The following NALCN variants were observed in gnomAD, a reference collection of about 807,000 sequenced individuals.
NALCN encodes the protein sodium leak channel, non-selective, also known as sodium leak channel NALCN.
Under a neutral mutation model 225.3 loss-of-function variants are expected in NALCN, and 111 were observed. The observed-to-expected ratio is 0.49, with a 90% CI of 0.42 to 0.58. The LOEUF (loss-of-function observed/expected upper bound fraction) is 0.58. Among genes scored for constraint, NALCN ranks in the 20% least tolerant of loss-of-function variants. The pLI is 0.00. For synonymous variants in NALCN, 764 were observed against 769.0 expected (o/e 0.99, Z 0.11); for missense variants, 1,378 against 2,202.4 (o/e 0.63, Z 7.49).
chr13:101,086,298 CTTT>C (rs1475723431), intron 30 of NALCN, among the ~76,000 whole-genome samples: 4 of 151,970 alleles, frequency 2.6e-5, no homozygotes, highest in East Asian at 3.9e-4. Flanking sequence ...TGTGATTCTT[CTTT>C]AATATATACA....
At chr13:101,372,212 C>CA (rs1220303145) in intron 6 of NALCN, among the ~76,000 whole-genome samples, 3 of 151,896 alleles carry the variant, frequency 2.0e-5, no homozygotes, top group Admixed American at 6.6e-5. Flanking sequence ...CAAAAACTGA[C>CA]AAAAATAAGA....
intron 13 of NALCN, among the ~76,000 whole-genome samples, chr13:101,197,902 G>T (rs1036412137): frequency 6.6e-5 from 10 of 152,264 alleles, no homozygotes; most frequent in African/African-American, 2.4e-4. Context: ...GATGTTCCCA[G>T]GAATCAGTCT....
intron 6 of NALCN, among the ~76,000 whole-genome samples, chr13:101,358,579 G>A (rs1198876752): frequency 7.9e-5 from 12 of 152,122 alleles, no homozygotes; most frequent in Non-Finnish European, 8.8e-5. Context: ...AAATAGGAAC[G>A]CTTTTACACT....
chr13:101,160,514 C>G (rs2038128045), intron 15 of NALCN, among the ~76,000 whole-genome samples: 1 of 152,120 alleles, frequency 6.6e-6, no homozygotes. Flanking sequence ...TGGGGAGGAG[C>G]TGGATTATCT....
chr13:101,246,272 T>G (rs2041894058), intron 11 of NALCN, among the ~76,000 whole-genome samples: 1 of 152,158 alleles, frequency 6.6e-6, no homozygotes, highest in Non-Finnish European at 1.5e-5. Flanking sequence ...AGTGGAAAGA[T>G]ATTTGAAATG....
At chr13:101,106,344 A>T (rs1169838357) in intron 22 of NALCN, among the ~76,000 whole-genome samples, 1 of 152,186 alleles carries the variant, frequency 6.6e-6, no homozygotes, top group Non-Finnish European at 1.5e-5. Context: ...TGGAGGGGGA[A>T]CAATTCAGTC....
chr13:101,178,909 TA>T (rs1475279317), intron 14 of NALCN, among the ~76,000 whole-genome samples: 3 of 152,214 alleles, frequency 2.0e-5, no homozygotes, highest in Admixed American at 6.5e-5. Context: ...GCTTTTTCAA[TA>T]ATAAAACTGG....
At chr13:101,133,154 G>C (rs2036597725) in intron 17 of NALCN, among the ~76,000 whole-genome samples, 1 of 152,056 alleles carries the variant, frequency 6.6e-6, no homozygotes, top group African/African-American at 2.4e-5. Context: ...ATTCCTTTAG[G>C]ATGCGGCAAT....
chr13:101,406,074 G>C (rs1207876770), intron 1 of NALCN, among the ~76,000 whole-genome samples: 3 of 151,670 alleles, frequency 2.0e-5, no homozygotes, highest in Non-Finnish European at 4.4e-5. Context: ...CTAGCATTTA[G>C]GGAAGCTGAG....
chr13:101,302,487 A>G (rs981327171), intron 7 of NALCN, among the ~76,000 whole-genome samples: 2 of 152,184 alleles, frequency 1.3e-5, no homozygotes, highest in Non-Finnish European at 2.9e-5. Context: ...TACCTGAGTG[A>G]TAGGGACCAA....
At chr13:101,123,916 T>C (rs527329975) in intron 18 of NALCN, among the ~76,000 whole-genome samples, 5 of 152,332 alleles carry the variant, frequency 3.3e-5, no homozygotes, top group Non-Finnish European at 2.9e-5. Context: ...CTGGCATGAA[T>C]CTGTCCACTC....
At position 101,218,516 on chromosome 13, in the gene NALCN, C is replaced by G. The variant is rs189597495; in HGVS notation, c.1626+10877G>C. Among the ~76,000 whole-genome samples the G allele has an allele frequency of 3.3e-5, 5 of 152,172 alleles. No homozygotes were observed. The East Asian group carries it at 7.7e-4, about 24-fold the overall frequency. ...CCCATGGCCATATCCCCGTGTCATA[C>G]AGTTTAGATCTGTGTCCCCACCCAA... On this transcript the variant is annotated intron_variant, in intron 13 of 43. Coordinates refer to ENST00000251127, the MANE Select transcript of NALCN (RefSeq NM_052867.4).
At chr13:101,300,266 A>G (rs1191784603) in intron 7 of NALCN, among the ~76,000 whole-genome samples, 2 of 151,994 alleles carry the variant, frequency 1.3e-5, no homozygotes, top group African/African-American at 2.4e-5. Context: ...TCTGTAAACC[A>G]TGTTTTCTCC....
intron 17 of NALCN, among the ~76,000 whole-genome samples, chr13:101,141,189 A>G (rs1475466003): frequency 3.3e-5 from 5 of 152,160 alleles, no homozygotes; most frequent in African/African-American, 1.2e-4. Context: ...AAATAAATGG[A>G]AATTTCCCTG....
At chr13:101,159,044 T>C (rs1253284955) in intron 15 of NALCN, among the ~76,000 whole-genome samples, 1 of 152,208 alleles carries the variant, frequency 6.6e-6, no homozygotes, top group Non-Finnish European at 1.5e-5. Context: ...TAAAAATATG[T>C]TGAAGGCATA....
intron 27 of NALCN, 130 bp from the exon 28 acceptor site, chr13:101,095,810 C>G: frequency 1.5e-6 from 1 of 688,844 alleles, no homozygotes; most frequent in Non-Finnish European, 2.4e-6. Context: ...GTGATGTGGA[C>G]AGCTACCCAG....
At chr13:101,375,886 C>T (rs764255417) in intron 6 of NALCN, among the ~76,000 whole-genome samples, 36 of 152,088 alleles carry the variant, frequency 2.4e-4, no homozygotes, top group Non-Finnish European at 4.9e-4. Flanking sequence ...CACTTCTGGA[C>T]CATCCAGGGG....
intron 6 of NALCN, among the ~76,000 whole-genome samples, chr13:101,374,272 CTTT>C (rs869167949): frequency 3.8e-4 from 45 of 119,922 alleles, no homozygotes; most frequent in Non-Finnish European, 3.5e-4. Flanking sequence ...AAATTTCTTT[CTTT>C]TTTTTTTTTT....
intron 6 of NALCN, among the ~76,000 whole-genome samples, chr13:101,356,843 A>G (rs2046077883): frequency 6.6e-6 from 1 of 152,192 alleles, no homozygotes; most frequent in African/African-American, 2.4e-5. Flanking sequence ...ACCCACCACA[A>G]TCAAGTCGGC....
Sources: allele counts gnomAD v4.1 joint callset (sites outside exome capture counted in the v4.1 genomes callset), GRCh38; gene constraint gnomAD v4.1.1; transcripts MANE v1.5; gene names NCBI Gene and HGNC (gene_info 2026-07-23, HGNC 2026-07-21).